MATCAP2: variants seen among roughly 807,000 people sequenced by gnomAD.
MATCAP2 encodes the protein putative tyrosine carboxypeptidase MATCAP2.
the MATCAP2 span, among the ~76,000 whole-genome samples, chr7:36,337,422 G>A: frequency 6.6e-6 from 1 of 152,156 alleles, no homozygotes; most frequent in South Asian, 2.1e-4. Flanking sequence ...AAAGAAAATT[G>A]CTTTTCAAAG....
chr7:36,337,071 C>T, the MATCAP2 span, among the ~76,000 whole-genome samples: 831 of 97,038 alleles, frequency 8.6e-3, 4 homozygotes, highest in Non-Finnish European at 0.011. Context: ...GCACTCCAGC[C>T]TGGGCAACAG....
At chr7:36,330,949 G>T in the MATCAP2 span, 1 of 1,282,396 alleles carries the variant, frequency 7.8e-7, no homozygotes, top group Non-Finnish European at 1.1e-6. Flanking sequence ...GATCTGGGGT[G>T]TTCGGGGACT....
chr7:36,353,295 G>C, the MATCAP2 span, among the ~76,000 whole-genome samples: 1 of 152,074 alleles, frequency 6.6e-6, no homozygotes, highest in Non-Finnish European at 1.5e-5. Context: ...AGATGCTACA[G>C]GTCTTTTGGT....
the MATCAP2 span, chr7:36,330,896 A>C: frequency 1.4e-6 from 1 of 733,956 alleles, no homozygotes; most frequent in African/African-American, 1.7e-5. Context: ...AATACTGTGA[A>C]GCTAAGTCTT....
the MATCAP2 span, chr7:36,367,038 C>T: frequency 2.4e-6 from 3 of 1,273,582 alleles, no homozygotes; most frequent in South Asian, 9.0e-5. Flanking sequence ...GCCTCGGTGG[C>T]GGGGGCGCGG....
chr7:36,331,344 T>C, the MATCAP2 span, among the ~76,000 whole-genome samples: 1 of 151,968 alleles, frequency 6.6e-6, no homozygotes, highest in African/African-American at 2.4e-5. Context: ...CTTTCCTCAC[T>C]ATAGAGACTG....
the MATCAP2 span, among the ~76,000 whole-genome samples, chr7:36,379,422 T>G: frequency 6.6e-6 from 1 of 152,076 alleles, no homozygotes; most frequent in Non-Finnish European, 1.5e-5. Flanking sequence ...ACATAGAGAG[T>G]AACATATATG....
the MATCAP2 span, among the ~76,000 whole-genome samples, chr7:36,385,472 G>A: frequency 6.6e-6 from 1 of 152,112 alleles, no homozygotes; most frequent in Non-Finnish European, 1.5e-5. Context: ...AATAGAGTCC[G>A]ACATAGACCT....
At chr7:36,386,025 T>A in the MATCAP2 span, among the ~76,000 whole-genome samples, 1 of 151,822 alleles carries the variant, frequency 6.6e-6, no homozygotes, top group Middle Eastern at 3.4e-3. Flanking sequence ...TTTGGTGGCA[T>A]ATGCCTGTTG....
chr7:36,357,915 TTGGCTGGGCGCAG>T, the MATCAP2 span, among the ~76,000 whole-genome samples: 15 of 152,232 alleles, frequency 9.9e-5, no homozygotes, highest in African/African-American at 3.4e-4. Flanking sequence ...AATGTAGATT[TTGGCTGGGCGCAG>T]TGGCTCACAC....
At chr7:36,347,882 G>A in the MATCAP2 span, among the ~76,000 whole-genome samples, 5 of 152,052 alleles carry the variant, frequency 3.3e-5, no homozygotes, top group Non-Finnish European at 2.9e-5. Context: ...AGGATCTCAA[G>A]ACAGTCCTTT....
chr7:36,337,079 C>A, the MATCAP2 span, among the ~76,000 whole-genome samples: 1 of 68,776 alleles, frequency 1.5e-5, no homozygotes, highest in African/African-American at 5.9e-5. Flanking sequence ...GCCTGGGCAA[C>A]AGGAGTGAAA....
chr7:36,336,887 G>A, the MATCAP2 span, among the ~76,000 whole-genome samples: 3 of 151,502 alleles, frequency 2.0e-5, no homozygotes, highest in African/African-American at 7.3e-5. Flanking sequence ...TTGAGGCCAG[G>A]AGCTCAAGAC....
the MATCAP2 span, among the ~76,000 whole-genome samples, chr7:36,342,852 C>T: frequency 6.6e-6 from 1 of 152,186 alleles, no homozygotes; most frequent in Non-Finnish European, 1.5e-5. Flanking sequence ...TCTTGAACTC[C>T]TGAGCTCAGG....
the MATCAP2 span, among the ~76,000 whole-genome samples, chr7:36,384,504 TG>T: frequency 6.6e-6 from 1 of 152,244 alleles, no homozygotes; most frequent in South Asian, 2.1e-4. Context: ...TGCCAGAAGG[TG>T]CTGGGTTACA....
the MATCAP2 span, chr7:36,334,278 T>C: frequency 1.2e-6 from 1 of 817,738 alleles, no homozygotes; most frequent in Non-Finnish European, 1.9e-6. Flanking sequence ...GGCTCATGCC[T>C]GTAATCCCAG....
At chr7:36,330,952 C>G in the MATCAP2 span, 1 of 1,311,660 alleles carries the variant, frequency 7.6e-7, no homozygotes, top group Non-Finnish European at 1.1e-6. Flanking sequence ...CTGGGGTGTT[C>G]GGGGACTATG....
chr7:36,367,384 G>C, the MATCAP2 span: 1 of 978,044 alleles, frequency 1.0e-6, no homozygotes, highest in Non-Finnish European at 1.2e-6. Context: ...TGCCTCCGGG[G>C]CTTGTGGCTG....
At chr7:36,387,251 A>G in the MATCAP2 span, among the ~76,000 whole-genome samples, 1 of 152,194 alleles carries the variant, frequency 6.6e-6, no homozygotes. Context: ...ATAAACATCA[A>G]ATCAAGATAG....
Sources: gnomAD v4.1 joint callset for allele counts (sites outside exome capture counted in the v4.1 genomes callset) on GRCh38, gnomAD v4.1.1 for gene constraint, MANE v1.5 for transcripts, NCBI Gene and HGNC (gene_info 2026-07-23, HGNC 2026-07-21) for gene names.